The following NFATC3 variants were observed in gnomAD, a reference collection of about 807,000 sequenced individuals.
The protein encoded by NFATC3 is nuclear factor of activated T-cells, cytoplasmic 3.
NFATC3 carries 46 observed loss-of-function variants against 98.6 expected under a neutral mutation model. The ratio of observed to expected loss-of-function variants is 0.47; its 90% confidence interval spans 0.37 to 0.60. NFATC3 has a LOEUF of 0.60. NFATC3 is among the 20% of genes least tolerant of loss of function. The pLI is 0.00. For missense variants in NFATC3, 1,256 were observed against 1,295.5 expected, an observed-to-expected ratio of 0.97 and a Z score of 0.47; for synonymous variants, 512 against 472.2, an observed-to-expected ratio of 1.08 and a Z score of -1.09.
intron 3 of NFATC3, among the ~76,000 whole-genome samples, chr16:68,150,521 G>C (rs564835153): frequency 2.0e-5 from 3 of 151,628 alleles, no homozygotes; most frequent in Non-Finnish European, 4.4e-5. Flanking sequence ...ACTCAGGGTT[G>C]TGTTGAGCTA....
intron 5 of NFATC3, among the ~76,000 whole-genome samples, chr16:68,172,073 T>TC (rs2039492189): frequency 6.6e-6 from 1 of 152,000 alleles, no homozygotes; most frequent in Admixed American, 6.6e-5. Context: ...GACCTCGTTA[T>TC]CCGCCCACCT....
At chr16:68,219,919 A>G (rs1364084540) in intron 9 of NFATC3, among the ~76,000 whole-genome samples, 1 of 152,224 alleles carries the variant, frequency 6.6e-6, no homozygotes, top group African/African-American at 2.4e-5. Context: ...AGCATGGGAA[A>G]TAGCTCTAAA....
At chr16:68,207,936 T>G (rs1470477209) in intron 9 of NFATC3, among the ~76,000 whole-genome samples, 1 of 152,244 alleles carries the variant, frequency 6.6e-6, no homozygotes, top group African/African-American at 2.4e-5. Context: ...TTCATTATAA[T>G]TTTGATTTGC....
At chr16:68,182,503 ATTATT>A (rs1393896951) in intron 7 of NFATC3, among the ~76,000 whole-genome samples, 2 of 151,990 alleles carry the variant, frequency 1.3e-5, no homozygotes, top group Non-Finnish European at 2.9e-5. Context: ...GAACATTTGG[ATTATT>A]TTATTTTTTT....
At chr16:68,088,564 C>T (rs1448686964) in intron 1 of NFATC3, 5 of 149,116 alleles carry the variant, frequency 3.4e-5, no homozygotes, top group African/African-American at 7.4e-5. Flanking sequence ...GGCAGGGTCT[C>T]GCCCTGTCGC....
chr16:68,215,722 C>CTGTTTTT (rs2041607225), intron 9 of NFATC3, among the ~76,000 whole-genome samples: 1 of 96,040 alleles, frequency 1.0e-5, no homozygotes, highest in Non-Finnish European at 2.0e-5. Flanking sequence ...GAGATTTGCA[C>CTGTTTTT]TTTTTTTTTT....
At chr16:68,121,031 A>G (rs1351397641) in intron 1 of NFATC3, among the ~76,000 whole-genome samples, 1 of 151,578 alleles carries the variant, frequency 6.6e-6, no homozygotes, top group Non-Finnish European at 1.5e-5. Context: ...ACATAAGTGT[A>G]TTTCATGTTT....
rs1043842646 is a variant in NFATC3 at position 68,092,533 on chromosome 16, A to G, written c.103+6749A>G. On this transcript the variant is annotated intron_variant, in intron 1 of 9. Transcript: ENST00000346183. ...TCCCAGCACTTTGGGTTGCTGAGGC[A>G]GGCGGATCACGAGGTCAGGAGTTCG... Among the ~76,000 whole-genome samples the G allele has an allele frequency of 4.3e-4, 51 of 119,984 alleles. No homozygotes were observed. The South Asian group carries it at 0.011, about 26-fold the overall frequency. The allele number at this position is 119,984 out of a possible 152,430, so 78.7% of individuals were successfully genotyped here. A position where few individuals can be genotyped will look rare whatever the true frequency, so the allele number is the denominator to read the frequency against.
intron 1 of NFATC3, chr16:68,089,571 C>G (rs1375038549): frequency 1.3e-5 from 2 of 152,184 alleles, no homozygotes; most frequent in Non-Finnish European, 2.9e-5. Flanking sequence ...TATGACAGTG[C>G]TATCTCTGAT....
At chr16:68,123,413 A>C (rs2036652569) in intron 2 of NFATC3, among the ~76,000 whole-genome samples, 1 of 151,318 alleles carries the variant, frequency 6.6e-6, no homozygotes, top group Admixed American at 6.6e-5. Flanking sequence ...TGTATTCCCA[A>C]CACTTGGGAG....
intron 8 of NFATC3, among the ~76,000 whole-genome samples, chr16:68,187,981 G>C (rs2040275673): frequency 6.6e-6 from 1 of 152,142 alleles, no homozygotes; most frequent in African/African-American, 2.4e-5. Context: ...AGGGGCGCCT[G>C]CAAACCAGGG....
chr16:68,088,921 C>G (rs1157362523), intron 1 of NFATC3: 1 of 972,540 alleles, frequency 1.0e-6, no homozygotes, highest in Non-Finnish European at 1.2e-6. Context: ...TTCTGGCTTC[C>G]CAAAATGCTG....
At chr16:68,114,623 G>GGA (rs1345354495) in intron 1 of NFATC3, among the ~76,000 whole-genome samples, 2 of 148,230 alleles carry the variant, frequency 1.3e-5, no homozygotes, top group Non-Finnish European at 3.0e-5. Flanking sequence ...TTGCCAGGCT[G>GGA]GAGTGCTGTG....
rs187449526 is a variant in NFATC3, at chr16:68,098,546, C to T, written c.103+12762C>T. Among the ~76,000 whole-genome samples, 631 of 152,140 alleles carry T rather than the reference C, an allele frequency of 4.1e-3. 2 individuals are homozygous for T. Among genetic ancestry groups the T allele is most frequent in the Non-Finnish European group, 7.6e-3 (517 of 67,988 alleles). On this transcript the variant is annotated intron_variant, in intron 1 of 9. Transcript: ENST00000346183. The stretch of plus-strand genomic sequence containing the variant: ...CAATCTCCTGAGCTCGTGATCCACC[C>T]GCCTCAGCGTCCCAAAGTGTTGGGA...
At chr16:68,211,597 A>G (rs865944157) in intron 9 of NFATC3, among the ~76,000 whole-genome samples, 16 of 151,728 alleles carry the variant, frequency 1.1e-4, no homozygotes, top group African/African-American at 3.4e-4. Context: ...ATCTCAGCTC[A>G]CTGCAACTTC....
intron 4 of NFATC3, among the ~76,000 whole-genome samples, chr16:68,160,183 A>T (rs1012125282): frequency 1.3e-5 from 2 of 152,148 alleles, no homozygotes; most frequent in Non-Finnish European, 2.9e-5. Context: ...ATAGAAACTG[A>T]TATGTTTCTA....
intron 9 of NFATC3, among the ~76,000 whole-genome samples, chr16:68,212,164 T>C (rs2151160753): frequency 6.6e-6 from 1 of 152,300 alleles, no homozygotes; most frequent in Admixed American, 6.5e-5. Context: ...TTAAAATACT[T>C]TGCACACACT....
chr16:68,192,820 G>T (rs1206399415), intron 9 of NFATC3, among the ~76,000 whole-genome samples: 1 of 152,026 alleles, frequency 6.6e-6, no homozygotes, highest in East Asian at 1.9e-4. Context: ...CTGTGATCAT[G>T]CCATTGCACT....
intron 2 of NFATC3, among the ~76,000 whole-genome samples, chr16:68,125,146 A>G (rs1433580043): frequency 6.6e-6 from 1 of 152,136 alleles, no homozygotes; most frequent in African/African-American, 2.4e-5. Flanking sequence ...ATTTATCTTA[A>G]TTTTTCTAGT....
Sources: allele counts gnomAD v4.1 joint callset (sites outside exome capture counted in the v4.1 genomes callset), GRCh38; gene constraint gnomAD v4.1.1; transcripts MANE v1.5; gene names NCBI Gene and HGNC (gene_info 2026-07-23, HGNC 2026-07-21).